The following TPTE2 variants were observed in gnomAD, a reference collection of about 807,000 sequenced individuals.
TPTE2 encodes the protein transmembrane phosphoinositide 3-phosphatase and tensin homolog 2.
TPTE2 carries 53 observed loss-of-function variants against 78.6 expected under a neutral mutation model. That is an observed-to-expected ratio of 0.67 (90% confidence interval 0.54 to 0.85). The LOEUF is 0.85. TPTE2 is among the 40% of genes least tolerant of loss of function. The probability of loss-of-function intolerance (pLI) is 0.00; values close to 1 mark genes in which losing one functional copy is unlikely to be tolerated. For missense variants in TPTE2, 461 were observed against 623.0 expected, an observed-to-expected ratio of 0.74 and a Z score of 2.77; for synonymous variants, 175 against 206.2, an observed-to-expected ratio of 0.85 and a Z score of 1.30.
At chr13:19,524,869 A>C (rs942200852) in intron 1 of TPTE2, among the ~76,000 whole-genome samples, 3 of 152,198 alleles carry the variant, frequency 2.0e-5, no homozygotes, top group Admixed American at 6.5e-5. Flanking sequence ...GAGGGACTTC[A>C]GGGGAAATTA....
chr13:19,514,947 A>C (rs1869704960), intron 1 of TPTE2, among the ~76,000 whole-genome samples: 1 of 152,084 alleles, frequency 6.6e-6, no homozygotes, highest in Non-Finnish European at 1.5e-5. Context: ...TTATTTCTTC[A>C]TCTGTAAGTT....
At chr13:19,552,316 C>T in the TPTE2 span, among the ~76,000 whole-genome samples, 12 of 152,132 alleles carry the variant, frequency 7.9e-5, no homozygotes, top group Admixed American at 6.5e-4. Context: ...AGTTCTCAGT[C>T]CTTTTATGTC....
At chr13:19,478,430 T>C (rs1880109273) in intron 4 of TPTE2, among the ~76,000 whole-genome samples, 1 of 152,196 alleles carries the variant, frequency 6.6e-6, no homozygotes, top group South Asian at 2.1e-4. Context: ...TCACTGGCCA[T>C]CAGAGAAATG....
chr13:19,560,590 A>G, the TPTE2 span: 2 of 1,601,644 alleles, frequency 1.2e-6, no homozygotes, highest in Non-Finnish European at 1.7e-6. Flanking sequence ...CTCTCGGTCA[A>G]AGAGGTCACA....
chr13:19,448,676 T>G (rs936688739), intron 13 of TPTE2, among the ~76,000 whole-genome samples: 3 of 151,452 alleles, frequency 2.0e-5, no homozygotes, highest in African/African-American at 7.3e-5. Context: ...TTGGTGAGGA[T>G]GAAGAGAAAA....
At chr13:19,552,326 C>T in the TPTE2 span, among the ~76,000 whole-genome samples, 1 of 152,182 alleles carries the variant, frequency 6.6e-6, no homozygotes, top group Non-Finnish European at 1.5e-5. Flanking sequence ...CCTTTTATGT[C>T]ATAGAAATTC....
intron 19 of TPTE2, among the ~76,000 whole-genome samples, chr13:19,423,519 G>A (rs1875764948): frequency 6.6e-6 from 1 of 152,152 alleles, no homozygotes; most frequent in South Asian, 2.1e-4. Context: ...TAATTTATGT[G>A]TGAAGTTGCA....
intron 1 of TPTE2, among the ~76,000 whole-genome samples, chr13:19,516,355 C>T (rs1476397269): frequency 6.6e-6 from 1 of 152,166 alleles, no homozygotes; most frequent in Non-Finnish European, 1.5e-5. Flanking sequence ...TCAACAGATT[C>T]CTAATGTTTC....
chr13:19,561,474 C>T, the TPTE2 span, among the ~76,000 whole-genome samples: 1 of 152,160 alleles, frequency 6.6e-6, no homozygotes, highest in Non-Finnish European at 1.5e-5. Context: ...TCCCCGCAAG[C>T]CCCGACGCCC....
intron 10 of TPTE2, among the ~76,000 whole-genome samples, chr13:19,457,794 T>C (rs1193474161): frequency 2.0e-5 from 3 of 152,180 alleles, no homozygotes; most frequent in Non-Finnish European, 1.5e-5. Context: ...AAATAATCTT[T>C]ATTTGATATT....
intron 13 of TPTE2, among the ~76,000 whole-genome samples, chr13:19,445,488 T>A (rs1396881369): frequency 6.6e-6 from 1 of 152,136 alleles, no homozygotes; most frequent in Non-Finnish European, 1.5e-5. Context: ...AAGTCTACAA[T>A]ACCAGTGGAG....
chr13:19,457,320 T>G lies in TPTE2; in HGVS notation c.742-6095A>C, dbSNP rs541844767. On this transcript the variant is annotated intron_variant, in intron 10 of 19. Coordinates refer to ENST00000400230, the Ensembl canonical transcript of TPTE2. ...TGGTTATAGATGCATGCATATATAATGTATACGTATGTACATCAGGGCATA... is the reference window on the plus strand; with the variant it reads ...TGGTTATAGATGCATGCATATATAAGGTATACGTATGTACATCAGGGCATA... Among the ~76,000 whole-genome samples, 3 of 152,344 alleles carry G rather than the reference T, an allele frequency of 2.0e-5. No homozygotes were observed. The South Asian group carries it at 6.2e-4, about 32-fold the overall frequency.
At chr13:19,551,601 A>AT in the TPTE2 span, among the ~76,000 whole-genome samples, 1 of 151,242 alleles carries the variant, frequency 6.6e-6, no homozygotes, top group Non-Finnish European at 1.5e-5. Context: ...ACAAAAACAA[A>AT]ATATGAATAT....
At chr13:19,475,682 CA>C (rs937586910) in intron 4 of TPTE2, 59 bp from the exon 8 acceptor site, 324 of 1,538,714 alleles carry the variant, frequency 2.1e-4, no homozygotes, top group Non-Finnish European at 2.6e-4. Flanking sequence ...TAAATTTAAC[CA>C]AAAAACAAAG....
chr13:19,561,250 C>A, the TPTE2 span: 4 of 1,291,320 alleles, frequency 3.1e-6, no homozygotes, highest in Non-Finnish European at 4.3e-6. Flanking sequence ...CACCACCTGG[C>A]TGGACATGGC....
At chr13:19,514,703 T>G (rs753517544) in intron 1 of TPTE2, among the ~76,000 whole-genome samples, 1 of 151,876 alleles carries the variant, frequency 6.6e-6, no homozygotes, top group Non-Finnish European at 1.5e-5. Flanking sequence ...TGTTTCTATA[T>G]CAATGGCTAG....
intron 3 of TPTE2, among the ~76,000 whole-genome samples, chr13:19,491,268 A>G (rs1422281497): frequency 6.6e-6 from 1 of 152,182 alleles, no homozygotes; most frequent in African/African-American, 2.4e-5. Context: ...CATTTCACTG[A>G]AGACAGTGCT....
chr13:19,516,023 C>T (rs1251670867), intron 1 of TPTE2, among the ~76,000 whole-genome samples: 2 of 152,180 alleles, frequency 1.3e-5, no homozygotes, highest in African/African-American at 2.4e-5. Context: ...AATGACTTCC[C>T]TCATGGGACA....
At chr13:19,507,071 A>G (rs1196997669), upstream of TPTE2, among the ~76,000 whole-genome samples, 3 of 152,198 alleles carry the variant, frequency 2.0e-5, no homozygotes, top group Non-Finnish European at 4.4e-5. Flanking sequence ...ATTTGCGTGT[A>G]TCTTTATGAA....
Sources: allele counts gnomAD v4.1 joint callset (sites outside exome capture counted in the v4.1 genomes callset), GRCh38; gene constraint gnomAD v4.1.1; transcripts MANE v1.5; gene names NCBI Gene and HGNC (gene_info 2026-07-23, HGNC 2026-07-21).